MARCHF4: variants seen among roughly 807,000 people sequenced by gnomAD.
The protein encoded by MARCHF4 is membrane associated ring-CH-type finger 4.
Under a neutral mutation model 43.9 loss-of-function variants are expected in MARCHF4, and 14 were observed. That is an observed-to-expected ratio of 0.32 (90% CI 0.21 to 0.50). The LOEUF (loss-of-function observed/expected upper bound fraction) is 0.50, where lower values mean the gene tolerates loss of function less well. Among genes scored for constraint, MARCHF4 ranks in the 20% least tolerant of loss-of-function variants. The probability of loss-of-function intolerance (pLI) is 0.98; values close to 1 mark genes in which losing one functional copy is unlikely to be tolerated. For missense variants in MARCHF4, 468 were observed against 536.7 expected (o/e 0.87, Z 1.27); for synonymous variants, 226 against 213.3 (o/e 1.06, Z -0.52).
At chr2:216,314,380 G>C (rs1478362432) in intron 1 of MARCHF4, among the ~76,000 whole-genome samples, 2 of 150,506 alleles carry the variant, frequency 1.3e-5, no homozygotes, top group Non-Finnish European at 2.9e-5. Context: ...CTGGAGTGCA[G>C]TGGTGCAATC....
At chr2:216,343,932 T>C (rs1228965177) in intron 1 of MARCHF4, among the ~76,000 whole-genome samples, 1 of 152,128 alleles carries the variant, frequency 6.6e-6, no homozygotes, top group African/African-American at 2.4e-5. Flanking sequence ...CGAGAGGGAA[T>C]GAATGCTGGA....
intron 1 of MARCHF4, among the ~76,000 whole-genome samples, chr2:216,334,095 G>T (rs1382308431): frequency 1.3e-5 from 2 of 152,128 alleles, no homozygotes; most frequent in Non-Finnish European, 2.9e-5. Flanking sequence ...GGGGAACTGA[G>T]GTTGCTAATC....
intron 3 of MARCHF4, among the ~76,000 whole-genome samples, chr2:216,276,730 T>C (rs1408704868): frequency 6.6e-6 from 1 of 152,178 alleles, no homozygotes; most frequent in African/African-American, 2.4e-5. Context: ...ACTCTAATGC[T>C]CCCAGGACTG....
chr2:216,332,999 T>C (rs976954335), intron 1 of MARCHF4, among the ~76,000 whole-genome samples: 1 of 152,174 alleles, frequency 6.6e-6, no homozygotes, highest in African/African-American at 2.4e-5. Flanking sequence ...CCCAATCCCA[T>C]ACACAAAAAC....
At chr2:216,357,954 G>A (rs998291661) in intron 1 of MARCHF4, among the ~76,000 whole-genome samples, 5 of 152,140 alleles carry the variant, frequency 3.3e-5, no homozygotes, top group African/African-American at 9.7e-5. Context: ...TCAGCAGCCC[G>A]CAATCATACA....
intron 1 of MARCHF4, among the ~76,000 whole-genome samples, chr2:216,289,037 T>A (rs1174870695): frequency 3.4e-5 from 3 of 88,182 alleles, no homozygotes; most frequent in East Asian, 3.1e-4. Context: ...ATATAAAAAT[T>A]TATATATATA....
intron 1 of MARCHF4, among the ~76,000 whole-genome samples, chr2:216,328,007 T>C (rs905352673): frequency 1.3e-5 from 2 of 151,916 alleles, no homozygotes. Flanking sequence ...GAAAGCTCTC[T>C]GTAGGTCAAG....
At chr2:216,304,159 A>C (rs1369561174) in intron 1 of MARCHF4, among the ~76,000 whole-genome samples, 2 of 152,256 alleles carry the variant, frequency 1.3e-5, no homozygotes, top group Non-Finnish European at 2.9e-5. Flanking sequence ...CAAATCATGT[A>C]TAAAGAGCTT....
chr2:216,357,282 G>C (rs1692517731), intron 1 of MARCHF4, among the ~76,000 whole-genome samples: 1 of 152,046 alleles, frequency 6.6e-6, no homozygotes, highest in South Asian at 2.1e-4. Context: ...CTTCCAATCT[G>C]AGATAGTTCC....
At chr2:216,329,083 A>C (rs1051495905) in intron 1 of MARCHF4, among the ~76,000 whole-genome samples, 2 of 152,092 alleles carry the variant, frequency 1.3e-5, no homozygotes, top group African/African-American at 4.8e-5. Context: ...ATGCTATGAT[A>C]AAAATAAAAA....
At chr2:216,331,879 A>G (rs1692085621) in intron 1 of MARCHF4, among the ~76,000 whole-genome samples, 1 of 152,226 alleles carries the variant, frequency 6.6e-6, no homozygotes, top group South Asian at 2.1e-4. Context: ...CTTGAGAAAT[A>G]GTGAAAATTT....
intron 1 of MARCHF4, among the ~76,000 whole-genome samples, chr2:216,287,505 G>A (rs1326133556): frequency 4.0e-5 from 6 of 151,860 alleles, no homozygotes; most frequent in Non-Finnish European, 1.5e-5. Flanking sequence ...CAAGAAAAAT[G>A]GGATCTTCTC....
At chr2:216,271,945 C>A (rs112194557) in intron 3 of MARCHF4, among the ~76,000 whole-genome samples, 1 of 148,450 alleles carries the variant, frequency 6.7e-6, no homozygotes, top group Non-Finnish European at 1.5e-5. Flanking sequence ...TGCACACCAC[C>A]ACACCTGGCT....
At chr2:216,276,943 G>T (rs1691033928) in intron 3 of MARCHF4, among the ~76,000 whole-genome samples, 1 of 152,150 alleles carries the variant, frequency 6.6e-6, no homozygotes, top group Non-Finnish European at 1.5e-5. Flanking sequence ...GGTCAGAGAA[G>T]GAGCAGGATC....
At chr2:216,272,215 A>T (rs1303515990) in intron 3 of MARCHF4, among the ~76,000 whole-genome samples, 7 of 152,172 alleles carry the variant, frequency 4.6e-5, no homozygotes, top group African/African-American at 1.7e-4. Context: ...AACTAGATTT[A>T]GCTTCTCTCA....
Position 216,322,411 on chromosome 2 carries a change from A to C in MARCHF4, c.517-38682T>G, listed in dbSNP as rs138016603. ...GCAAATGTTGTTAACTAGGGGGTCCATCAGTGACCTTCAGGGGACCTGTGA... is the reference window on the plus strand; with the variant it reads ...GCAAATGTTGTTAACTAGGGGGTCCCTCAGTGACCTTCAGGGGACCTGTGA... On this transcript the variant is annotated intron_variant, in intron 1 of 3. Transcript: ENST00000273067. Among the ~76,000 whole-genome samples, 663 of 152,378 alleles carry C rather than the reference A, an allele frequency of 4.4e-3. 4 individuals are homozygous for C. The highest frequency in any genetic ancestry group is 7.6e-3 in the Non-Finnish European group (519 of 68,034).
chr2:216,329,703 G>A (rs962947876), intron 1 of MARCHF4, among the ~76,000 whole-genome samples: 9 of 150,886 alleles, frequency 6.0e-5, no homozygotes, highest in South Asian at 2.1e-4. Context: ...AAATGTAAAC[G>A]GACTACTTCA....
intron 1 of MARCHF4, among the ~76,000 whole-genome samples, chr2:216,364,216 T>A (rs1692631394): frequency 6.6e-6 from 1 of 152,118 alleles, no homozygotes; most frequent in Non-Finnish European, 1.5e-5. Context: ...TTTTCCTAAA[T>A]GTTCTCTTTT....
intron 1 of MARCHF4, among the ~76,000 whole-genome samples, chr2:216,324,099 T>C (rs1691949483): frequency 6.9e-6 from 1 of 145,934 alleles, no homozygotes; most frequent in Non-Finnish European, 1.5e-5. Context: ...GAGAGAAGAA[T>C]CAAATAGACG....
Sources: allele counts gnomAD v4.1 joint callset (sites outside exome capture counted in the v4.1 genomes callset), GRCh38; gene constraint gnomAD v4.1.1; transcripts MANE v1.5; gene names NCBI Gene and HGNC (gene_info 2026-07-23, HGNC 2026-07-21).